BCAS3: variants seen among roughly 807,000 people sequenced by gnomAD.
BCAS3 encodes BCAS3 microtubule associated cell migration factor, also known as BCAS4/BCAS3 fusion.
BCAS3 carries 53 observed loss-of-function variants against 116.1 expected under a neutral mutation model. The ratio of observed to expected loss-of-function variants is 0.46; its 90% confidence interval spans 0.37 to 0.57. The LOEUF is 0.57. Among genes scored for constraint, BCAS3 ranks in the 20% least tolerant of loss-of-function variants. BCAS3 has a pLI of 0.00. For missense variants in BCAS3, 917 were observed against 1,165.4 expected, an observed-to-expected ratio of 0.79 and a Z score of 3.10; for synonymous variants, 391 against 408.2, an observed-to-expected ratio of 0.96 and a Z score of 0.51.
rs188346269 is a variant in BCAS3 at position 60,966,545 on chromosome 17, A to G, written c.1221+19193A>G. 1.8e-3 allele frequency among the ~76,000 whole-genome samples: 280 copies of G among 152,314 alleles called. 1 individual carries two copies. Among genetic ancestry groups the G allele is most frequent in the Non-Finnish European group, 2.2e-3 (151 of 68,036 alleles). On this transcript the variant is annotated intron_variant, in intron 14 of 23. Coordinates refer to ENST00000407086, the MANE Select transcript of BCAS3 (RefSeq NM_017679.5). ...CTTATAGAGACATCTTATAATAGAT[A>G]TAACAAGTTATTTTAAAGAGACTAC... is the stretch of plus-strand genomic sequence containing the variant.
At position 61,214,722 on chromosome 17, in the gene BCAS3, A is replaced by C. The variant is rs2081679667; in HGVS notation, c.2425+130158A>C. Among the ~76,000 whole-genome samples the C allele has an allele frequency of 6.6e-6, 1 of 152,180 alleles. No individual in the cohort carries two copies. Among genetic ancestry groups the C allele is most frequent in the African/African-American group, 2.4e-5 (1 of 41,460 alleles). On this transcript the variant is annotated intron_variant, in intron 22 of 23. Transcript: ENST00000407086. The surrounding 1 kb of genome is among the most constrained non-coding windows in gnomAD (Gnocchi z 4.4). ...AAAGAAAAAAAGAAAAAAATTCAAAAACATTTTTTAATGAACTATAGGGAT... is the reference window on the plus strand; with the variant it reads ...AAAGAAAAAAAGAAAAAAATTCAAACACATTTTTTAATGAACTATAGGGAT...
chr17:61,303,683 G>A (rs1381160896), intron 22 of BCAS3, among the ~76,000 whole-genome samples: 1 of 152,150 alleles, frequency 6.6e-6, no homozygotes, highest in East Asian at 1.9e-4. Context: ...GCCTATTTCT[G>A]GCTCTGCATG....
At position 61,219,904 on chromosome 17, in the gene BCAS3, T is replaced by A. The variant is rs1388635210; in HGVS notation, c.2425+135340T>A. ...TTGGGGTAGGAAAAACAAGGCAGGTTATGGGGGGAGAGGAGTAGGGCAAGA... is the reference window on the plus strand; with the variant it reads ...TTGGGGTAGGAAAAACAAGGCAGGTAATGGGGGGAGAGGAGTAGGGCAAGA... On this transcript the variant is annotated intron_variant, in intron 22 of 23. Coordinates refer to ENST00000407086, the MANE Select transcript of BCAS3 (RefSeq NM_017679.5). The surrounding 1 kb of genome is among the most constrained non-coding windows in gnomAD (Gnocchi z 5.2). Among the ~76,000 whole-genome samples, 1 of 152,110 alleles carries A rather than the reference T, an allele frequency of 6.6e-6. No homozygotes were observed. The highest frequency in any genetic ancestry group is 6.5e-5 in the Admixed American group (1 of 15,268).
chr17:61,089,497 C>T (rs544760078), intron 22 of BCAS3, among the ~76,000 whole-genome samples: 3 of 61,936 alleles, frequency 4.8e-5, no homozygotes, highest in Non-Finnish European at 9.7e-5. Flanking sequence ...TTCTTCGAGA[C>T]GGAGTTTCAC....
chr17:60,789,618 C>T (rs1228579193), intron 6 of BCAS3, among the ~76,000 whole-genome samples: 2 of 152,156 alleles, frequency 1.3e-5, no homozygotes, highest in African/African-American at 2.4e-5. Context: ...TCATTTCAAT[C>T]ATCATGGTAC....
At chr17:61,085,206 C>G (rs1240685021) in intron 22 of BCAS3, among the ~76,000 whole-genome samples, 2 of 152,190 alleles carry the variant, frequency 1.3e-5, no homozygotes, top group African/African-American at 4.8e-5. Context: ...GATATATTTT[C>G]TCGTCTCTAA....
At chr17:61,090,573 G>A (rs2073468226) in intron 22 of BCAS3, among the ~76,000 whole-genome samples, 1 of 152,186 alleles carries the variant, frequency 6.6e-6, no homozygotes, top group African/African-American at 2.4e-5. Flanking sequence ...AGAACATAGG[G>A]AAAAGACCTT....
At chr17:60,924,822 G>C (rs2059287614) in intron 13 of BCAS3, among the ~76,000 whole-genome samples, 1 of 151,220 alleles carries the variant, frequency 6.6e-6, no homozygotes, top group Admixed American at 6.6e-5. Context: ...TAATGGATAT[G>C]AGCAGTATTT....
intron 14 of BCAS3, among the ~76,000 whole-genome samples, chr17:60,988,773 TTC>T (rs954256070): frequency 6.6e-6 from 1 of 151,998 alleles, no homozygotes; most frequent in African/African-American, 2.4e-5. Context: ...TATTTGAGTC[TTC>T]TCTCTTTTTT....
intron 10 of BCAS3, among the ~76,000 whole-genome samples, chr17:60,894,490 A>G (rs1322545088): frequency 6.6e-6 from 1 of 152,174 alleles, no homozygotes; most frequent in African/African-American, 2.4e-5. Flanking sequence ...GTTTTTCTAG[A>G]TACAAGATCA....
intron 22 of BCAS3, among the ~76,000 whole-genome samples, chr17:61,209,620 G>A (rs1028062834): frequency 1.3e-5 from 2 of 152,210 alleles, no homozygotes; most frequent in African/African-American, 4.8e-5. Flanking sequence ...GGCTGTGGCT[G>A]TACAGAGACC....
rs1425337062 is a variant in BCAS3 at position 61,097,791 on chromosome 17, A to G, written c.2425+13227A>G. Among the ~76,000 whole-genome samples, 3 of 152,234 alleles carry G rather than the reference A, an allele frequency of 2.0e-5. No homozygotes were observed. Among genetic ancestry groups the G allele is most frequent in the Non-Finnish European group, 2.9e-5 (2 of 68,046 alleles). ...TCAAAGAACAGGACTTAGGACACCT[A>G]GCTCCTGATACTTAAAATTACTTAA... On this transcript the variant is annotated intron_variant, in intron 22 of 23. Coordinates refer to ENST00000407086, the MANE Select transcript of BCAS3 (RefSeq NM_017679.5). This position sits in a 1 kb window ranked among gnomAD's most constrained non-coding sequence, Gnocchi z 4.0.
chr17:61,321,962 T>C (rs1568848257), intron 22 of BCAS3, among the ~76,000 whole-genome samples: 1 of 152,090 alleles, frequency 6.6e-6, no homozygotes, highest in Non-Finnish European at 1.5e-5. Flanking sequence ...AGACGGAGTT[T>C]CCCTCTTGTT....
At chr17:60,894,343 A>G (rs1017840285) in intron 10 of BCAS3, among the ~76,000 whole-genome samples, 1 of 152,020 alleles carries the variant, frequency 6.6e-6, no homozygotes, top group Admixed American at 6.6e-5. Flanking sequence ...ACTATTGTAA[A>G]TGTGATTGCC....
At chr17:61,340,707 C>T (rs2057085492) in intron 22 of BCAS3, among the ~76,000 whole-genome samples, 1 of 152,026 alleles carries the variant, frequency 6.6e-6, no homozygotes. Context: ...AAGAGGGATG[C>T]AGAAGCTGAG....
At chr17:60,744,290 A>G (rs1471545120) in intron 5 of BCAS3, among the ~76,000 whole-genome samples, 1 of 152,188 alleles carries the variant, frequency 6.6e-6, no homozygotes, top group Non-Finnish European at 1.5e-5. Flanking sequence ...GCCATTTTTA[A>G]TGAGCTCTTT....
At chr17:61,338,136 G>T (rs2056866222) in intron 22 of BCAS3, among the ~76,000 whole-genome samples, 3 of 152,210 alleles carry the variant, frequency 2.0e-5, no homozygotes, top group South Asian at 2.1e-4. Flanking sequence ...CACTCAAGTG[G>T]TTCTGATTTT....
chr17:61,265,230 A>G lies in BCAS3; in HGVS notation c.2426-103097A>G, dbSNP rs950466101. Reference sequence around the variant, plus strand: ...CGAGTTCAAGACCAGCCTGACCAACATGGAGAAACCCTGTCTCTGCTAAAA... The same window carrying G: ...CGAGTTCAAGACCAGCCTGACCAACGTGGAGAAACCCTGTCTCTGCTAAAA... On this transcript the variant is annotated intron_variant, in intron 22 of 23. Transcript: ENST00000407086. This position sits in a 1 kb window ranked among gnomAD's most constrained non-coding sequence, Gnocchi z 4.3. 6.6e-6 allele frequency among the ~76,000 whole-genome samples: 1 copy of G among 152,124 alleles called. No individual in the cohort carries two copies. Among genetic ancestry groups the G allele is most frequent in the Non-Finnish European group, 1.5e-5 (1 of 68,020 alleles).
intron 14 of BCAS3, among the ~76,000 whole-genome samples, chr17:60,953,077 T>G (rs2060929823): frequency 6.6e-6 from 1 of 151,948 alleles, no homozygotes; most frequent in Admixed American, 6.6e-5. Context: ...AGTGAACATG[T>G]GCATGCATGT....
Sources: allele counts gnomAD v4.1 joint callset (sites outside exome capture counted in the v4.1 genomes callset), GRCh38; gene constraint gnomAD v4.1.1; non-coding constraint Gnocchi (gnomAD v3.1); transcripts MANE v1.5; gene names NCBI Gene and HGNC (gene_info 2026-07-23, HGNC 2026-07-21).